The following BICC1 variants were observed in gnomAD, a reference collection of about 807,000 sequenced individuals.
BICC1 encodes the protein BicC family RNA binding protein 1.
Under a neutral mutation model 111.0 loss-of-function variants are expected in BICC1, and 43 were observed. That is an observed-to-expected ratio of 0.39 (90% CI 0.30 to 0.50). BICC1 has a LOEUF of 0.50. BICC1 is among the 20% of genes least tolerant of loss of function. The pLI is 0.88. For missense variants in BICC1, 1,091 were observed against 1,203.2 expected, an observed-to-expected ratio of 0.91 and a Z score of 1.38; for synonymous variants, 467 against 434.4, an observed-to-expected ratio of 1.07 and a Z score of -0.93.
At chr10:58,732,373 GTGTATGTATATATATATATATATATATA>G (rs1419465580) in intron 3 of BICC1, among the ~76,000 whole-genome samples, 1 of 4,548 alleles carries the variant, frequency 2.2e-4, no homozygotes, top group African/African-American at 9.5e-4. Context: ...GTGTGTGTGT[GTGTATGTATATATATATATATATATATA>G]TATATATATA....
chr10:58,781,321 C>T (rs1191479125), intron 3 of BICC1, among the ~76,000 whole-genome samples: 1 of 152,144 alleles, frequency 6.6e-6, no homozygotes, highest in African/African-American at 2.4e-5. Flanking sequence ...CTGTATTTAG[C>T]CATTTCCTAA....
intron 2 of BICC1, among the ~76,000 whole-genome samples, chr10:58,701,630 C>T (rs564625352): frequency 1.3e-5 from 2 of 152,090 alleles, no homozygotes; most frequent in East Asian, 3.9e-4. Context: ...TTTTTTCCCC[C>T]AGGGAAAAAA....
At chr10:58,764,387 G>A (rs1176876290) in intron 3 of BICC1, among the ~76,000 whole-genome samples, 1 of 152,132 alleles carries the variant, frequency 6.6e-6, no homozygotes, top group African/African-American at 2.4e-5. Flanking sequence ...TTGGAATGCT[G>A]TACCCTGTTC....
At position 58,739,218 on chromosome 10, in the gene BICC1, T is replaced by C. The variant is rs191301245; in HGVS notation, c.307+37075T>C. Among the ~76,000 whole-genome samples, 351 of 152,306 alleles carry C rather than the reference T, an allele frequency of 2.3e-3. 1 individual carries two copies. The highest frequency in any genetic ancestry group is 7.9e-3 in the African/African-American group (328 of 41,578). Reference sequence around the variant, plus strand: ...ATTCAATATGATATTGGCTGTGGGTTTGTCATAGATAGCTCTTATTATTTT... The same window carrying C: ...ATTCAATATGATATTGGCTGTGGGTCTGTCATAGATAGCTCTTATTATTTT... On this transcript the variant is annotated intron_variant, in intron 3 of 20. Transcript: ENST00000373886.
chr10:58,561,843 C>G (rs1843613068), intron 1 of BICC1, among the ~76,000 whole-genome samples: 1 of 152,094 alleles, frequency 6.6e-6, no homozygotes, highest in South Asian at 2.1e-4. Flanking sequence ...TCAGTTTTTA[C>G]TTGTCTAGAA....
intron 2 of BICC1, among the ~76,000 whole-genome samples, chr10:58,674,464 A>G (rs1421227075): frequency 1.3e-5 from 2 of 152,166 alleles, no homozygotes; most frequent in Non-Finnish European, 2.9e-5. Context: ...TCTTTTGTGG[A>G]ACATATATTT....
intron 15 of BICC1, among the ~76,000 whole-genome samples, chr10:58,803,850 A>G (rs866769166): frequency 8.5e-5 from 13 of 152,212 alleles, no homozygotes; most frequent in Admixed American, 7.2e-4. Context: ...AGAATAGACT[A>G]TTGACCATGA....
At chr10:58,814,025 A>T in intron 18 of BICC1, 39 bp downstream of exon 18, 1 of 1,610,158 alleles carries the variant, frequency 6.2e-7, no homozygotes, top group Non-Finnish European at 8.5e-7. Context: ...AGGTATCCCC[A>T]GATTAGAATG....
rs529567584 is a variant in BICC1 at position 58,650,689 on chromosome 10, A to T, written c.237+29788A>T. 3.3e-5 allele frequency: 5 copies of T among 152,244 alleles called. No individual in the cohort carries two copies. The East Asian group carries it at 7.7e-4, about 24-fold the overall frequency. The allele number at this position is 152,244 out of a possible 1,614,324, so 9.4% of individuals were successfully genotyped here. Reference sequence around the variant, plus strand: ...ACTAGCCTAGAGTAGGCTTTACTGAAATAGCTTATTTTGCTAAGTCAGACT... The same window carrying T: ...ACTAGCCTAGAGTAGGCTTTACTGATATAGCTTATTTTGCTAAGTCAGACT... On this transcript the variant is annotated intron_variant, in intron 2 of 20. Coordinates refer to ENST00000373886, the MANE Select transcript of BICC1 (RefSeq NM_001080512.3).
intron 2 of BICC1, among the ~76,000 whole-genome samples, chr10:58,636,003 T>C (rs550779707): frequency 2.6e-5 from 4 of 152,232 alleles, no homozygotes; most frequent in Non-Finnish European, 5.9e-5. Flanking sequence ...AATTTTCTTG[T>C]TTTGTTCTCT....
chr10:58,520,126 C>A (rs2132510383), intron 1 of BICC1, among the ~76,000 whole-genome samples: 1 of 152,202 alleles, frequency 6.6e-6, no homozygotes. Flanking sequence ...TGAAATTGTC[C>A]AAAATAGTGA....
At chr10:58,517,447 A>G (rs1842271701) in intron 1 of BICC1, among the ~76,000 whole-genome samples, 1 of 152,212 alleles carries the variant, frequency 6.6e-6, no homozygotes, top group Non-Finnish European at 1.5e-5. Flanking sequence ...TTTTAAAATG[A>G]TTTGATGAAC....
At position 58,711,798 on chromosome 10, in the gene BICC1, TTTTTTTTTTG is replaced by T. The variant is rs1237758391; in HGVS notation, c.307+9665_307+9674del. Among the ~76,000 whole-genome samples, 5 of 81,906 alleles carry T rather than the reference TTTTTTTTTTG, an allele frequency of 6.1e-5. No homozygotes were observed. The East Asian group carries it at 2.0e-3, about 33-fold the overall frequency. 53.7% of individuals were successfully genotyped at this position (81,906 alleles called of 152,430 possible). Reference sequence around the variant, plus strand: ...TAAATAAGCAAATATATCTGGTAGTTTTTTTTTTTGTTTTTTTTTTTTAAAGATATTTTCC... The same window carrying T: ...TAAATAAGCAAATATATCTGGTAGTTTTTTTTTTTTTTAAAGATATTTTCC... On this transcript the variant is annotated intron_variant, in intron 3 of 20. Transcript: ENST00000373886.
At chr10:58,796,627 T>C (rs1416197258) in intron 10 of BICC1, 101 bp downstream of exon 10, 2 of 1,187,714 alleles carry the variant, frequency 1.7e-6, no homozygotes, top group Non-Finnish European at 2.3e-6. Flanking sequence ...GGCTATTTTT[T>C]TTTCCTTTGG....
intron 3 of BICC1, among the ~76,000 whole-genome samples, chr10:58,753,529 AG>A (rs543715418): frequency 6.8e-4 from 104 of 152,186 alleles, no homozygotes; most frequent in African/African-American, 2.5e-3. Context: ...ATATGATGAG[AG>A]GGATCCAATT....
intron 3 of BICC1, among the ~76,000 whole-genome samples, chr10:58,777,662 A>G (rs1842782516): frequency 6.6e-6 from 1 of 151,994 alleles, no homozygotes; most frequent in African/African-American, 2.4e-5. Flanking sequence ...GTTTCTTACA[A>G]TTCGCTCACG....
chr10:58,674,203 C>T (rs1305365262), intron 2 of BICC1, among the ~76,000 whole-genome samples: 1 of 152,186 alleles, frequency 6.6e-6, no homozygotes, highest in African/African-American at 2.4e-5. Context: ...TAGGCAGGGA[C>T]AGTCCCTATC....
chr10:58,600,666 A>G (rs78808374), intron 1 of BICC1, among the ~76,000 whole-genome samples: 2,849 of 152,118 alleles, frequency 0.019, 75 homozygotes, highest in African/African-American at 0.065. Flanking sequence ...TCTTGCACCT[A>G]TGCCACCCCT....
At chr10:58,631,177 G>A (rs1837782214) in intron 2 of BICC1, among the ~76,000 whole-genome samples, 1 of 152,176 alleles carries the variant, frequency 6.6e-6, no homozygotes, top group Non-Finnish European at 1.5e-5. Flanking sequence ...TCTGTGGGAA[G>A]TTTGTAGACA....
Sources: allele counts gnomAD v4.1 joint callset (sites outside exome capture counted in the v4.1 genomes callset), GRCh38; gene constraint gnomAD v4.1.1; transcripts MANE v1.5; gene names NCBI Gene and HGNC (gene_info 2026-07-23, HGNC 2026-07-21).